Variants in DENND5A observed in about 807,000 individuals in gnomAD.
The protein encoded by DENND5A is DENN domain-containing protein 5A.
In DENND5A, 64 loss-of-function variants were observed where a neutral mutation model predicts 140.3. The ratio of observed to expected loss-of-function variants is 0.46; its 90% CI spans 0.37 to 0.56. The LOEUF (loss-of-function observed/expected upper bound fraction) is 0.56. DENND5A is among the 20% of genes least tolerant of loss of function. DENND5A has a pLI of 0.00. For missense variants in DENND5A, 1,292 were observed against 1,593.8 expected (o/e 0.81, Z 3.22); for synonymous variants, 605 against 607.7 (o/e 1.00, Z 0.07).
chr11:9,257,717 T>C (rs938638312), intron 1 of DENND5A, among the ~76,000 whole-genome samples: 10 of 150,092 alleles, frequency 6.7e-5, no homozygotes, highest in African/African-American at 1.5e-4. Context: ...CTCCTGACCT[T>C]GTGATCCGCC....
In DENND5A at chr11:9,174,060, G is replaced by A. The variant is rs1378451851; in HGVS notation, c.1907-3283C>T. ...AGAAGTTGCAGTGAGCCTAGATCTC[G>A]CCACTGCACTCCAGCCTGGGCGATA... is the stretch of plus-strand genomic sequence containing the variant. On this transcript the variant is annotated intron_variant, in intron 8 of 22. Transcript: ENST00000328194. Among the ~76,000 whole-genome samples the A allele has an allele frequency of 1.4e-4, 16 of 118,228 alleles. No individual in the cohort carries two copies. In the East Asian group the frequency reaches 3.7e-3, roughly 28 times the overall value. The allele number at this position is 118,228 out of a possible 152,430, so 77.6% of individuals were successfully genotyped here.
At chr11:9,259,916 C>A (rs901005302) in intron 1 of DENND5A, among the ~76,000 whole-genome samples, 2 of 150,326 alleles carry the variant, frequency 1.3e-5, no homozygotes, top group Non-Finnish European at 2.9e-5. Flanking sequence ...GTGGTCCCAG[C>A]TACTTGGGAG....
chr11:9,262,391 T>C (rs1452913806), intron 1 of DENND5A, among the ~76,000 whole-genome samples: 5 of 152,360 alleles, frequency 3.3e-5, no homozygotes, highest in Non-Finnish European at 5.9e-5. Flanking sequence ...AAAAGTTTAT[T>C]CCACCACCTT....
chr11:9,203,936 G>C lies in DENND5A; in HGVS notation c.673C>G (p.Gln225Glu). ...FMKACRSVLEQLHQAVTSPQP... is the reference protein window; with the variant it reads ...FMKACRSVLEELHQAVTSPQP... ...GGTGAAGTGACTGCCTGGTGGAGTT[G>C]CTCCAGCACGCTCCGACATGCCTTC... The change falls in exon 4 of 23, where the codon CAA becomes GAA. Residue 225 changes from glutamine (Q) to glutamate (E), a missense_variant. Physicochemically the swap from Gln to Glu is conservative, Grantham distance 29. Around this residue, in one of 4 missense-constraint regions of DENND5A, gnomAD observed 566 missense variants for 650.4 expected, o/e 0.87. Coordinates refer to ENST00000328194, the MANE Select transcript of DENND5A (RefSeq NM_015213.4). 6.2e-7 allele frequency: 1 copy of C among 1,614,076 alleles called. No homozygotes were observed. The highest frequency in any genetic ancestry group is 8.5e-7 in the Non-Finnish European group (1 of 1,179,986).
intron 1 of DENND5A, among the ~76,000 whole-genome samples, chr11:9,221,171 C>T (rs1353190907): frequency 6.6e-6 from 1 of 152,020 alleles, no homozygotes; most frequent in African/African-American, 2.4e-5. Context: ...TGGCTCACGC[C>T]TGTAATCCTA....
At chr11:9,167,157 T>A (rs1276930037) in intron 10 of DENND5A, among the ~76,000 whole-genome samples, 1 of 152,090 alleles carries the variant, frequency 6.6e-6, no homozygotes, top group Non-Finnish European at 1.5e-5. Context: ...CAATCTGATA[T>A]CCTCTCAGTA....
chr11:9,228,078 A>C (rs1432339861), intron 1 of DENND5A, among the ~76,000 whole-genome samples: 2 of 127,484 alleles, frequency 1.6e-5, no homozygotes, highest in Admixed American at 1.0e-4. Context: ...ATACCATTGC[A>C]CTCCAGCCTG....
chr11:9,202,955 T>C (rs1300122442), intron 4 of DENND5A, among the ~76,000 whole-genome samples: 1 of 152,182 alleles, frequency 6.6e-6, no homozygotes, highest in Non-Finnish European at 1.5e-5. Context: ...ACAAACTACA[T>C]ATTTTATATA....
intron 8 of DENND5A, among the ~76,000 whole-genome samples, chr11:9,174,102 C>CTAAAAAAAAA (rs1848467055): frequency 2.4e-5 from 1 of 42,148 alleles, no homozygotes; most frequent in East Asian, 1.5e-3. Context: ...GACTCCGTCT[C>CTAAAAAAAAA]AAAAAAAAAA....
chr11:9,226,742 A>G (rs1850545738), intron 1 of DENND5A, among the ~76,000 whole-genome samples: 1 of 152,212 alleles, frequency 6.6e-6, no homozygotes, highest in South Asian at 2.1e-4. Context: ...AAATTAACAT[A>G]CTTCCTTAAG....
chr11:9,249,999 C>T (rs55698941), intron 1 of DENND5A, among the ~76,000 whole-genome samples: 1 of 150,006 alleles, frequency 6.7e-6, no homozygotes, highest in Non-Finnish European at 1.5e-5. Context: ...ATTATTCTTT[C>T]TAAACCATTT....
intron 1 of DENND5A, among the ~76,000 whole-genome samples, chr11:9,264,027 TA>T (rs1463333587): frequency 1.3e-5 from 2 of 152,076 alleles, no homozygotes; most frequent in African/African-American, 2.4e-5. Context: ...GACACAACCT[TA>T]AAGTACAACC....
chr11:9,197,060 CTTGGCAGGCCAAGG>C (rs1378664590), intron 4 of DENND5A, among the ~76,000 whole-genome samples: 2 of 151,244 alleles, frequency 1.3e-5, no homozygotes, highest in Non-Finnish European at 2.9e-5. Context: ...ATCCTAGCAC[CTTGGCAGGCCAAGG>C]TAGGCGGATC....
intron 8 of DENND5A, among the ~76,000 whole-genome samples, chr11:9,174,574 T>G (rs897424043): frequency 6.7e-6 from 1 of 150,106 alleles, no homozygotes; most frequent in Non-Finnish European, 1.5e-5. Context: ...GCGGCACACA[T>G]CTACTGTCCT....
rs779522112 is a variant in DENND5A at position 9,164,194 on chromosome 11, A to ATTT, written c.2283+1639_2283+1641dup. Among the ~76,000 whole-genome samples the ATTT allele has an allele frequency of 5.4e-4, 43 of 79,064 alleles. 4 individuals are homozygous for ATTT. The highest frequency in any genetic ancestry group is 8.7e-4 in the Non-Finnish European group (37 of 42,494). The allele number at this position is 79,064 out of a possible 152,430, so 51.9% of individuals were successfully genotyped here. ...CTAAAGGTGTGCACCACCACGCCTA[A>ATTT]TTTTTTTTTTTTTTTTTTTTTTTTT... On this transcript the variant is annotated intron_variant, in intron 11 of 22. Transcript: ENST00000328194.
rs368490790 is a variant in DENND5A at position 9,193,685 on chromosome 11, G to A, written c.950-4C>T. 3.1e-6 allele frequency: 5 copies of A among 1,593,710 alleles called. No individual in the cohort carries two copies. In the South Asian group the frequency reaches 4.5e-5, roughly 14 times the overall value. ...ACAGTCATCAGTCTCTGGTAATCTGGGTCAACAACAACAAAAAAAGCACAC... is the reference window on the plus strand; with the variant it reads ...ACAGTCATCAGTCTCTGGTAATCTGAGTCAACAACAACAAAAAAAGCACAC... On this transcript the variant is annotated splice_region_variant and splice_polypyrimidine_tract_variant and intron_variant, in intron 4 of 22. Coordinates refer to ENST00000328194, the MANE Select transcript of DENND5A (RefSeq NM_015213.4).
At chr11:9,251,289 GTACA>G (rs1851709702) in intron 1 of DENND5A, among the ~76,000 whole-genome samples, 1 of 152,034 alleles carries the variant, frequency 6.6e-6, no homozygotes, top group African/African-American at 2.4e-5. Flanking sequence ...AGCTAGTTCA[GTACA>G]TAAAGTAGAC....
At chr11:9,238,347 A>G (rs1459288139) in intron 1 of DENND5A, among the ~76,000 whole-genome samples, 1 of 104,770 alleles carries the variant, frequency 9.5e-6, no homozygotes, top group East Asian at 2.4e-4. Flanking sequence ...GATTAAATGC[A>G]TGTGTGTGTG....
At position 9,206,694 on chromosome 11, in the gene DENND5A, A is replaced by C; in HGVS notation, c.270T>G (p.Phe90Leu). ...RYPENVEWNP[F>L]DQDAVGMLCM... ...CAACCATTCCTACTGCATCTTGGTC[A>C]AAGGGATTCCATTCTACGTTCTCAG... The change falls in exon 3 of 23, where the codon TTT (phenylalanine) becomes TTG (leucine). Residue 90 changes from phenylalanine to leucine, a missense_variant. Phe to Leu is a conservative substitution (Grantham distance 22). This residue lies in a region of DENND5A where 566 missense variants were observed against 650.4 expected (regional missense o/e 0.87). Transcript: ENST00000328194. 6.2e-7 allele frequency: 1 copy of C among 1,612,998 alleles called. No individual in the cohort carries two copies. Among genetic ancestry groups the C allele is most frequent in the Non-Finnish European group, 8.5e-7 (1 of 1,179,034 alleles).
Sources: gnomAD v4.1 joint callset for allele counts (sites outside exome capture counted in the v4.1 genomes callset) on GRCh38, gnomAD v4.1.1 for gene constraint, gnomAD v4.1.1 regional missense constraint, MANE v1.5 for transcripts, NCBI Gene and HGNC (gene_info 2026-07-23, HGNC 2026-07-21) for gene names.